The following CYTH1 variants were observed in gnomAD, a reference collection of about 807,000 sequenced individuals.
CYTH1 encodes cytohesin 1.
A neutral mutation model predicts 61.8 loss-of-function variants in CYTH1; 18 were observed. That is an observed-to-expected ratio of 0.29 (90% CI 0.20 to 0.43). CYTH1 has a LOEUF of 0.43. Among genes scored for constraint, CYTH1 ranks in the 20% least tolerant of loss-of-function variants. The pLI is 1.00. For missense variants in CYTH1, 336 were observed against 510.5 expected (o/e 0.66, Z 3.29); for synonymous variants, 174 against 184.3 (o/e 0.94, Z 0.45).
At chr17:78,727,047 G>A (rs557704889) in intron 1 of CYTH1, among the ~76,000 whole-genome samples, 1 of 152,308 alleles carries the variant, frequency 6.6e-6, no homozygotes, top group Admixed American at 6.5e-5. Flanking sequence ...AGCGTGCAAG[G>A]GCAATGTGCA....
chr17:78,686,237 GATT>G (rs981752509), intron 11 of CYTH1, among the ~76,000 whole-genome samples: 3 of 152,110 alleles, frequency 2.0e-5, no homozygotes, highest in African/African-American at 7.2e-5. Flanking sequence ...TATAGGACAT[GATT>G]ATATTTTCAG....
At chr17:78,752,582 G>T (rs773757445) in intron 1 of CYTH1, among the ~76,000 whole-genome samples, 1 of 152,028 alleles carries the variant, frequency 6.6e-6, no homozygotes, top group African/African-American at 2.4e-5. Flanking sequence ...ACAGGTGCGC[G>T]CCACCACGCA....
intron 1 of CYTH1, among the ~76,000 whole-genome samples, chr17:78,711,155 G>A (rs934664299): frequency 6.6e-5 from 10 of 151,610 alleles, no homozygotes; most frequent in African/African-American, 2.2e-4. Context: ...CCAGCTACTC[G>A]GGAGGCTGAG....
intron 12 of CYTH1, 110 bp downstream of exon 12, chr17:78,680,861 A>G: frequency 9.4e-7 from 1 of 1,066,930 alleles, no homozygotes; most frequent in Non-Finnish European, 1.4e-6. Context: ...ATTAGACTAA[A>G]TAAAAGCCTG....
intron 10 of CYTH1, among the ~76,000 whole-genome samples, chr17:78,694,287 C>T (rs2092917288): frequency 6.6e-6 from 1 of 152,196 alleles, no homozygotes; most frequent in Non-Finnish European, 1.5e-5. Context: ...AGGGAATTTG[C>T]TGTAAGCAAG....
chr17:78,740,420 C>T (rs2093337932), intron 1 of CYTH1, among the ~76,000 whole-genome samples: 1 of 152,212 alleles, frequency 6.6e-6, no homozygotes, highest in Non-Finnish European at 1.5e-5. Flanking sequence ...GTTATACTTC[C>T]AGTTCACATT....
chr17:78,734,134 C>G (rs1374189800), intron 1 of CYTH1, among the ~76,000 whole-genome samples: 3 of 151,856 alleles, frequency 2.0e-5, no homozygotes, highest in Non-Finnish European at 2.9e-5. Flanking sequence ...CCTGCAGTCC[C>G]AGCTACTCAG....
intron 12 of CYTH1, among the ~76,000 whole-genome samples, chr17:78,680,589 T>C (rs2092750128): frequency 6.6e-6 from 1 of 152,138 alleles, no homozygotes; most frequent in Admixed American, 6.5e-5. Context: ...GTACGTAAAA[T>C]GCGGAGAGAA....
At chr17:78,738,113 A>G (rs1188842975) in intron 1 of CYTH1, among the ~76,000 whole-genome samples, 2 of 152,176 alleles carry the variant, frequency 1.3e-5, no homozygotes, top group Non-Finnish European at 2.9e-5. Flanking sequence ...AATTATCTCC[A>G]TAGAAAAAAA....
Position 78,685,219 on chromosome 17 carries a change from A to G in CYTH1, c.892-4177T>C, listed in dbSNP as rs1051881403. ...ACTCTGTCTCAAAAAAAAAAAAAAAAAAAAAGGTTTTACTTATTCTTTTAA... is the reference window on the plus strand; with the variant it reads ...ACTCTGTCTCAAAAAAAAAAAAAAAGAAAAAGGTTTTACTTATTCTTTTAA... On this transcript the variant is annotated intron_variant, in intron 11 of 13. Transcript: ENST00000446868. 4.0e-5 allele frequency among the ~76,000 whole-genome samples: 6 copies of G among 151,746 alleles called. No individual in the cohort carries two copies. The East Asian group carries it at 1.2e-3, about 29-fold the overall frequency.
intron 10 of CYTH1, among the ~76,000 whole-genome samples, chr17:78,694,472 C>T (rs951205708): frequency 6.6e-6 from 1 of 152,200 alleles, no homozygotes; most frequent in South Asian, 2.1e-4. Context: ...CAGGAAAGCC[C>T]GGGCAGAATT....
intron 9 of CYTH1, among the ~76,000 whole-genome samples, chr17:78,697,768 A>C (rs1181323594): frequency 6.6e-6 from 1 of 152,148 alleles, no homozygotes; most frequent in Non-Finnish European, 1.5e-5. Flanking sequence ...CGCCAGGTAC[A>C]AATCTGTGGG....
At chr17:78,704,752 C>G (rs975595432) in intron 3 of CYTH1, among the ~76,000 whole-genome samples, 3 of 152,164 alleles carry the variant, frequency 2.0e-5, no homozygotes, top group Non-Finnish European at 4.4e-5. Context: ...AAACTCCTGG[C>G]CTCAAGCAAT....
At position 78,698,965 on chromosome 17, in the gene CYTH1, G is replaced by A; in HGVS notation, c.554C>T (p.Thr185Ile). 1 of 1,610,142 alleles carries A rather than the reference G, an allele frequency of 6.2e-7. No individual in the cohort carries two copies. The highest frequency in any genetic ancestry group is 1.1e-5 in the South Asian group (1 of 90,114). ...CNNGVFQSTDTCYVLSFAIIM... is the reference protein window; with the variant it reads ...CNNGVFQSTDICYVLSFAIIM... ...GATGGCAAAGGAGAGGACGTAACAAGTATCTAAAGATGAGAGAAAAGCAAA... is the reference window on the plus strand; with the variant it reads ...GATGGCAAAGGAGAGGACGTAACAAATATCTAAAGATGAGAGAAAAGCAAA... Residue 185 changes from threonine to isoleucine, a missense_variant, in exon 8 of 14, where the codon ACT (threonine) becomes ATT (isoleucine). Physicochemically the swap from Thr to Ile is moderately conservative, Grantham distance 89. This residue lies in a region of CYTH1 where 125 missense variants were observed against 209.9 expected (regional missense o/e 0.60). Transcript: ENST00000446868.
rs565686060 is a variant in CYTH1, at chr17:78,771,692, T to C, written c.22+10510A>G. ...GTTGTAGTGAGCTGAGATTGCGCCA[T>C]TGCACTCCAGCCTGGTGACAGAGCG... is the stretch of plus-strand genomic sequence containing the variant. On this transcript the variant is annotated intron_variant, in intron 1 of 13. Coordinates refer to ENST00000446868, the MANE Select transcript of CYTH1 (RefSeq NM_004762.6). Among the ~76,000 whole-genome samples the C allele has an allele frequency of 1.1e-4, 17 of 148,828 alleles. No individual in the cohort carries two copies. The South Asian group carries it at 2.9e-3, about 26-fold the overall frequency.
intron 1 of CYTH1, among the ~76,000 whole-genome samples, chr17:78,752,875 T>C (rs1172556995): frequency 6.6e-6 from 1 of 152,206 alleles, no homozygotes; most frequent in Non-Finnish European, 1.5e-5. Flanking sequence ...TACAAAGCCA[T>C]AGGTAGTACT....
intron 13 of CYTH1, chr17:78,677,043 C>T (rs1309349659): frequency 1.1e-5 from 5 of 455,934 alleles, no homozygotes; most frequent in Non-Finnish European, 1.8e-5. Context: ...CCTGGGCTGA[C>T]CTGGAACCTA....
chr17:78,712,160 GGGA>G lies in CYTH1; in HGVS notation c.23-2431_23-2429del, dbSNP rs1216857745. 1.0e-4 allele frequency among the ~76,000 whole-genome samples: 13 copies of G among 124,188 alleles called. No homozygotes were observed. The East Asian group carries it at 2.6e-3, about 25-fold the overall frequency. The allele number at this position is 124,188 out of a possible 152,430, so 81.5% of individuals were successfully genotyped here. ...AGGAAGGGAAGGAGGAAGGAAGGGA[GGGA>G]GGGAGGGAGGGAGGGAGGTAGGAGA... On this transcript the variant is annotated intron_variant, in intron 1 of 13. Transcript: ENST00000446868.
intron 1 of CYTH1, among the ~76,000 whole-genome samples, chr17:78,746,141 A>C (rs1301015378): frequency 6.6e-6 from 1 of 152,204 alleles, no homozygotes. Flanking sequence ...ACAATAAATA[A>C]TAAGTAACAT....
Sources: allele counts gnomAD v4.1 joint callset (sites outside exome capture counted in the v4.1 genomes callset), GRCh38; gene constraint gnomAD v4.1.1; regional missense constraint gnomAD v4.1.1; transcripts MANE v1.5; gene names NCBI Gene and HGNC (gene_info 2026-07-23, HGNC 2026-07-21).